The following VIPR2 variants were observed in gnomAD, a reference collection of about 807,000 sequenced individuals.
The protein encoded by VIPR2 is vasoactive intestinal peptide receptor 2, also known as vasoactive intestinal polypeptide receptor 2.
Under a neutral mutation model 58.0 loss-of-function variants are expected in VIPR2, and 48 were observed. The observed-to-expected ratio is 0.83, with a 90% CI of 0.66 to 1.05. VIPR2 has a LOEUF of 1.05. Ranked by LOEUF, VIPR2 falls within the 50% of genes least tolerant of loss-of-function variation. The pLI, the probability that VIPR2 is intolerant of heterozygous loss-of-function variation, is 0.00. For synonymous variants in VIPR2, 243 were observed against 235.2 expected (o/e 1.03, Z -0.30); for missense variants, 534 against 558.0 (o/e 0.96, Z 0.43).
At chr7:159,136,807 G>T (rs1445226553) in intron 2 of VIPR2, among the ~76,000 whole-genome samples, 1 of 152,300 alleles carries the variant, frequency 6.6e-6, no homozygotes, top group African/African-American at 2.4e-5. Context: ...CATAAAAAAT[G>T]AGGCCAGCAG....
chr7:159,069,732 T>A (rs180941242), intron 4 of VIPR2, among the ~76,000 whole-genome samples: 1 of 152,190 alleles, frequency 6.6e-6, no homozygotes, highest in Non-Finnish European at 1.5e-5. Flanking sequence ...TGCTCCATTT[T>A]TCCCCCCAAA....
At chr7:159,105,854 C>T (rs1858611556) in intron 3 of VIPR2, among the ~76,000 whole-genome samples, 1 of 152,228 alleles carries the variant, frequency 6.6e-6, no homozygotes, top group Non-Finnish European at 1.5e-5. Flanking sequence ...AGGAACAGCA[C>T]TCATAATAGT....
At chr7:159,059,280 A>G (rs765923598) in intron 4 of VIPR2, 12 of 471,100 alleles carry the variant, frequency 2.5e-5, no homozygotes, top group African/African-American at 2.0e-4. Flanking sequence ...AAAACCAGCA[A>G]CACCTGCAGG....
In VIPR2 at chr7:159,090,442, T is replaced by C. The variant is rs368253035; in HGVS notation, c.357+13315A>G. On this transcript the variant is annotated intron_variant, in intron 4 of 12. Transcript: ENST00000262178. ...ACGCACAGGGGCCACCTATTGTGACTATCACAATCCCCGGTGACCTCAGCA... is the reference window on the plus strand; with the variant it reads ...ACGCACAGGGGCCACCTATTGTGACCATCACAATCCCCGGTGACCTCAGCA... Among the ~76,000 whole-genome samples, 191 of 32,636 alleles carry C rather than the reference T, an allele frequency of 5.9e-3. 10 individuals carry two copies. The highest frequency in any genetic ancestry group is 0.032 in the African/African-American group (153 of 4,762). The allele number at this position is 32,636 out of a possible 152,430, so 21.4% of individuals were successfully genotyped here.
intron 4 of VIPR2, among the ~76,000 whole-genome samples, chr7:159,074,755 A>C (rs1856558455): frequency 6.6e-6 from 1 of 152,168 alleles, no homozygotes; most frequent in South Asian, 2.1e-4. Flanking sequence ...TGGGAGGCTG[A>C]GGTGGGAGGA....
At chr7:159,066,527 C>T (rs1856104417) in intron 4 of VIPR2, among the ~76,000 whole-genome samples, 1 of 152,248 alleles carries the variant, frequency 6.6e-6, no homozygotes, top group African/African-American at 2.4e-5. Flanking sequence ...ATTCAGGGCA[C>T]CATCCCGTGG....
chr7:159,107,712 A>G (rs1171088839), intron 3 of VIPR2, among the ~76,000 whole-genome samples: 1 of 151,960 alleles, frequency 6.6e-6, no homozygotes, highest in Non-Finnish European at 1.5e-5. Context: ...GGGCAGGGTT[A>G]GGACCCGGGG....
At position 159,109,802 on chromosome 7, in the gene VIPR2, C is replaced by T. The variant is rs1288772807; in HGVS notation, c.259+10G>A. On this transcript the variant is annotated intron_variant, in intron 3 of 12. Transcript: ENST00000262178. ...TGGAGGAGCTCAGGAACTCAACCGA[C>T]GGACAGTACCTGCTTTGCTGTAAAA... 1.9e-5 allele frequency: 30 copies of T among 1,613,302 alleles called. No individual in the cohort carries two copies. Among genetic ancestry groups the T allele is most frequent in the East Asian group, 6.7e-5 (3 of 44,896 alleles).
At chr7:159,040,241 T>C (rs1368106906) in intron 6 of VIPR2, among the ~76,000 whole-genome samples, 2 of 152,162 alleles carry the variant, frequency 1.3e-5, no homozygotes, top group East Asian at 3.9e-4. Context: ...CCAGGGCCAG[T>C]TGCCACCCAC....
chr7:159,062,695 T>C (rs1855771591), intron 4 of VIPR2, among the ~76,000 whole-genome samples: 1 of 149,490 alleles, frequency 6.7e-6, no homozygotes. Flanking sequence ...GCAAGATTTA[T>C]TACAAAGGGC....
chr7:159,053,868 T>C (rs1175620243), intron 5 of VIPR2, among the ~76,000 whole-genome samples: 1 of 152,232 alleles, frequency 6.6e-6, no homozygotes, highest in East Asian at 1.9e-4. Flanking sequence ...AAACGGCAAT[T>C]GACATTAAAA....
chr7:159,135,881 T>C lies in VIPR2; in HGVS notation c.151+6565A>G, dbSNP rs565579836. 7.2e-5 allele frequency among the ~76,000 whole-genome samples: 11 copies of C among 152,170 alleles called. No individual in the cohort carries two copies. The East Asian group carries it at 2.1e-3, about 29-fold the overall frequency. The stretch of plus-strand genomic sequence containing the variant: ...GCATCAGCAAATGTCAGCCGGACGG[T>C]TTAATTTCCACTCATCCCACGACAC... On this transcript the variant is annotated intron_variant, in intron 2 of 12. Transcript: ENST00000262178.
chr7:159,130,764 T>C (rs1211126374), intron 2 of VIPR2, among the ~76,000 whole-genome samples: 1 of 152,256 alleles, frequency 6.6e-6, no homozygotes, highest in African/African-American at 2.4e-5. Flanking sequence ...ATTTCGTTTG[T>C]GCCATGGGCA....
chr7:159,037,742 A>G (rs1178199955), intron 6 of VIPR2, among the ~76,000 whole-genome samples: 1 of 150,942 alleles, frequency 6.6e-6, no homozygotes, highest in African/African-American at 2.5e-5. Flanking sequence ...ATCTAACTAA[A>G]TGTACCAGGC....
At chr7:159,102,055 C>T (rs376484486) in intron 4 of VIPR2, among the ~76,000 whole-genome samples, 9 of 114,138 alleles carry the variant, frequency 7.9e-5, no homozygotes, top group African/African-American at 1.1e-4. Flanking sequence ...ACGGGTCTCA[C>T]GAGATCCGAC....
chr7:159,102,270 G>A (rs57185186), intron 4 of VIPR2, among the ~76,000 whole-genome samples: 5 of 152,286 alleles, frequency 3.3e-5, no homozygotes, highest in African/African-American at 4.8e-5. Context: ...TGGGTCTCAC[G>A]AGATCTGATG....
chr7:159,041,961 C>T (rs1280323121), intron 6 of VIPR2, among the ~76,000 whole-genome samples: 2 of 152,066 alleles, frequency 1.3e-5, no homozygotes, highest in Non-Finnish European at 2.9e-5. Flanking sequence ...CCCAACTCCA[C>T]CTGGGGAACG....
At chr7:159,058,846 C>T (rs1161720046) in intron 4 of VIPR2, among the ~76,000 whole-genome samples, 1 of 152,186 alleles carries the variant, frequency 6.6e-6, no homozygotes, top group Non-Finnish European at 1.5e-5. Flanking sequence ...GGAACACGAC[C>T]CGCCACCATC....
intron 4 of VIPR2, among the ~76,000 whole-genome samples, chr7:159,068,683 G>A (rs748266545): frequency 3.1e-4 from 47 of 152,218 alleles, no homozygotes; most frequent in Non-Finnish European, 5.7e-4. Context: ...TGGCGCTTCT[G>A]GACGGCGGGT....
Sources: allele counts gnomAD v4.1 joint callset (sites outside exome capture counted in the v4.1 genomes callset), GRCh38; gene constraint gnomAD v4.1.1; transcripts MANE v1.5; gene names NCBI Gene and HGNC (gene_info 2026-07-23, HGNC 2026-07-21).